The following MYADM variants were observed in gnomAD, a reference collection of about 807,000 sequenced individuals.
MYADM encodes the protein myeloid-associated differentiation marker.
For missense variants in MYADM, 416 were observed against 443.4 expected (o/e 0.94, Z 0.56); for synonymous variants, 224 against 210.2 (o/e 1.07, Z -0.57).
In MYADM at chr19:53,873,661, G is replaced by C; in HGVS notation, c.132G>C (p.Leu44=). The change falls in exon 3 of 3, where the codon CTG becomes CTC. Residue 44 remains leucine (L), a synonymous_variant. Coordinates refer to ENST00000391770, the MANE Select transcript of MYADM (RefSeq NM_138373.5). The surrounding 1 kb of genome is among the most constrained non-coding windows in gnomAD (Gnocchi z 4.3). ...QPLGLLRLLQ[L]VSTCVAFSLV... The stretch of plus-strand genomic sequence containing the variant: ...TGGGTCTCCTTCGCCTGCTGCAGCT[G>C]GTGTCTACCTGCGTGGCCTTCTCGC... 1 of 1,614,162 alleles carries C rather than the reference G, an allele frequency of 6.2e-7. No homozygotes were observed.
chr19:53,866,430 G>A (rs1460922339), upstream of MYADM: 4 of 152,132 alleles, frequency 2.6e-5, no homozygotes, highest in South Asian at 2.1e-4. The surrounding 1 kb of genome is among the most constrained non-coding windows in gnomAD (Gnocchi z 4.3). Flanking sequence ...GAGTGAACGC[G>A]GCCAGAGGGA....
chr19:53,867,327 G>GC (rs551562031), upstream of MYADM, among the ~76,000 whole-genome samples: 9 of 152,010 alleles, frequency 5.9e-5, no homozygotes, highest in East Asian at 1.9e-4. Context: ...AGAGATCCTA[G>GC]CCCCCCCATT....
rs4023843 is a variant in MYADM at position 53,876,261 on chromosome 19, G to GATATATAT, written c.*1777_*1784dup. On this transcript the variant is annotated 3_prime_UTR_variant, in exon 3 of 3. Coordinates refer to ENST00000391770, the MANE Select transcript of MYADM (RefSeq NM_138373.5). ...TGTCTGGGACTCACATACATAACGT[G>GATATATAT]ATATATATATATATATATATAAATG... is the stretch of plus-strand genomic sequence containing the variant. 2.5e-3 allele frequency: 379 copies of GATATATAT among 149,762 alleles called. 1 individual carries two copies. The highest frequency in any genetic ancestry group is 9.0e-3 in the African/African-American group (351 of 39,184). 9.3% of individuals were successfully genotyped at this position (149,762 alleles called of 1,614,324 possible). A position where few individuals can be genotyped will look rare whatever the true frequency, so the allele number is the denominator to read the frequency against.
At chr19:53,866,451 C>T (rs1455458551), upstream of MYADM, 1 of 152,186 alleles carries the variant, frequency 6.6e-6, no homozygotes, top group Non-Finnish European at 1.5e-5. This position sits in a 1 kb window ranked among gnomAD's most constrained non-coding sequence, Gnocchi z 4.3. Context: ...GGGACTCAGG[C>T]GTCCCAGGTC....
At chr19:53,872,513 A>T (rs569968499) in intron 2 of MYADM, among the ~76,000 whole-genome samples, 37 of 145,344 alleles carry the variant, frequency 2.5e-4, no homozygotes, top group African/African-American at 3.8e-4. Flanking sequence ...ATTAAAAAAA[A>T]TTTTTTTTTT....
At chr19:53,866,682 C>T (rs190637091), upstream of MYADM, among the ~76,000 whole-genome samples, 95 of 152,268 alleles carry the variant, frequency 6.2e-4, no homozygotes, top group African/African-American at 2.1e-3. The surrounding 1 kb of genome is among the most constrained non-coding windows in gnomAD (Gnocchi z 4.3). Context: ...CAGCCCCATC[C>T]TCATTAAAAT....
At chr19:53,872,411 G>T (rs1599920562) in intron 2 of MYADM, among the ~76,000 whole-genome samples, 1 of 151,974 alleles carries the variant, frequency 6.6e-6, no homozygotes, top group African/African-American at 2.4e-5. Flanking sequence ...GGCCAGGCTG[G>T]TCTCCAACTC....
chr19:53,869,951 A>G (rs1599912967), intron 2 of MYADM, 113 bp downstream of exon 2: 2 of 26,314 alleles, frequency 7.6e-5, no homozygotes, highest in African/African-American at 2.4e-4. Flanking sequence ...GGTCCGAGGG[A>G]GGAGGGGCTG....
rs1234518487 is a variant in MYADM at position 53,874,987 on chromosome 19, T to G, written c.*489T>G. On this transcript the variant is annotated 3_prime_UTR_variant, in exon 3 of 3. Coordinates refer to ENST00000391770, the MANE Select transcript of MYADM (RefSeq NM_138373.5). The stretch of plus-strand genomic sequence containing the variant: ...CTTTTTTCTCATCTCTTTTCTGGGT[T>G]GCCTGTCGGCTTTCTTATCTGCCTG... The G allele has an allele frequency of 6.0e-6, 1 of 167,178 alleles. No homozygotes were observed. Among genetic ancestry groups the G allele is most frequent in the African/African-American group, 2.4e-5 (1 of 41,404 alleles). 10.4% of individuals were successfully genotyped at this position (167,178 alleles called of 1,614,324 possible).
intron 2 of MYADM, among the ~76,000 whole-genome samples, chr19:53,871,269 G>A (rs2068381013): frequency 6.6e-6 from 1 of 152,092 alleles, no homozygotes; most frequent in Non-Finnish European, 1.5e-5. Flanking sequence ...GAGGCCTAGA[G>A]AGAGTTCAGT....
chr19:53,874,090 C>T lies in MYADM; in HGVS notation c.561C>T (p.Ile187=). 1 of 1,612,086 alleles carries T rather than the reference C, an allele frequency of 6.2e-7. No homozygotes were observed. The highest frequency in any genetic ancestry group is 8.5e-7 in the Non-Finnish European group (1 of 1,180,030). Residue 187 remains isoleucine (I), a synonymous_variant, in exon 3 of 3, where the codon ATC becomes ATT. Transcript: ENST00000391770. ...TGGAGACCTTCGTTGCCTGCATCAT[C>T]TTCGCGTTCATCAGCGACCCCAACC... ...KVLETFVACI[I]FAFISDPNLY...
At chr19:53,871,673 G>T (rs1442605490) in intron 2 of MYADM, among the ~76,000 whole-genome samples, 1 of 152,016 alleles carries the variant, frequency 6.6e-6, no homozygotes, top group Non-Finnish European at 1.5e-5. Context: ...AGCCTGGGGA[G>T]GTTGGGCCGT....
rs533539438 is a variant in MYADM, at chr19:53,874,387, C to T, written c.858C>T (p.Tyr286=). The T allele has an allele frequency of 9.3e-6, 15 of 1,614,244 alleles. No individual in the cohort carries two copies. The highest frequency in any genetic ancestry group is 1.6e-4 in the Middle Eastern group (1 of 6,062). ...GCTGCAGCCGCAGCCATGCCTACTA[C>T]GTGTGTGCCTGGGACCGCCGACTGG... ...DVSCSRSHAY[Y]VCAWDRRLAV... The change falls in exon 3 of 3, where the codon TAC becomes TAT. Residue 286 remains tyrosine, a synonymous_variant. Coordinates refer to ENST00000391770, the MANE Select transcript of MYADM (RefSeq NM_138373.5).
intron 2 of MYADM, among the ~76,000 whole-genome samples, chr19:53,871,512 G>T (rs2068387492): frequency 6.6e-6 from 1 of 152,160 alleles, no homozygotes; most frequent in African/African-American, 2.4e-5. Context: ...CCAAGGTGGG[G>T]GGTAGGGAGA....
chr19:53,874,091 T>G lies in MYADM; in HGVS notation c.562T>G (p.Phe188Val), dbSNP rs1196718416. Reference protein sequence around the residue: ...VLETFVACIIFAFISDPNLYQ... With the variant: ...VLETFVACIIVAFISDPNLYQ... ...GGAGACCTTCGTTGCCTGCATCATC[T>G]TCGCGTTCATCAGCGACCCCAACCT... The change falls in exon 3 of 3, where the codon TTC becomes GTC. Residue 188 changes from phenylalanine to valine, a missense_variant. Physicochemically the swap from Phe to Val is conservative, Grantham distance 50. Coordinates refer to ENST00000391770, the MANE Select transcript of MYADM (RefSeq NM_138373.5). The G allele has an allele frequency of 2.5e-6, 4 of 1,612,000 alleles. No individual in the cohort carries two copies. The East Asian group carries it at 6.7e-5, about 27-fold the overall frequency.
In MYADM at chr19:53,873,467, A is replaced by G. The variant is rs1330684126; in HGVS notation, c.-2-61A>G. On this transcript the variant is annotated intron_variant, in intron 2 of 2. Transcript: ENST00000391770. The surrounding 1 kb of genome is among the most constrained non-coding windows in gnomAD (Gnocchi z 4.3). The stretch of plus-strand genomic sequence containing the variant: ...TTTGTCCCTGGGGTAGGCAATGGCT[A>G]AGGGACCTGGATTCTTATGTTTGTG... 1 of 1,516,546 alleles carries G rather than the reference A, an allele frequency of 6.6e-7. No homozygotes were observed. The highest frequency in any genetic ancestry group is 8.8e-7 in the Non-Finnish European group (1 of 1,130,588). The allele number at this position is 1,516,546 out of a possible 1,614,324, so 93.9% of individuals were successfully genotyped here.
intron 2 of MYADM, chr19:53,872,680 AATT>A (rs2068417314): frequency 6.7e-6 from 1 of 148,828 alleles, no homozygotes; most frequent in South Asian, 2.1e-4. Context: ...CTAATTAAAA[AATT>A]TTTTTTTGGT....
In MYADM at chr19:53,871,619, C is replaced by T. The variant is rs531805714; in HGVS notation, c.-3+1781C>T. Among the ~76,000 whole-genome samples, 4 of 152,114 alleles carry T rather than the reference C, an allele frequency of 2.6e-5. No homozygotes were observed. The South Asian group carries it at 8.3e-4, about 32-fold the overall frequency. ...ATCTCTATGAGAAGATATCCTTTAT[C>T]GGGAGGTCGGAGCTCTTATTAGATG... On this transcript the variant is annotated intron_variant, in intron 2 of 2. Coordinates refer to ENST00000391770, the MANE Select transcript of MYADM (RefSeq NM_138373.5).
In MYADM at chr19:53,873,391, A is replaced by G. The variant is rs1349723056; in HGVS notation, c.-2-137A>G. 1.0e-6 allele frequency: 1 copy of G among 962,288 alleles called. No individual in the cohort carries two copies. The highest frequency in any genetic ancestry group is 1.5e-6 in the Non-Finnish European group (1 of 652,662). The allele number at this position is 962,288 out of a possible 1,614,324, so 59.6% of individuals were successfully genotyped here. A position where few individuals can be genotyped will look rare whatever the true frequency, so the allele number is the denominator to read the frequency against. On this transcript the variant is annotated intron_variant, in intron 2 of 2. Coordinates refer to ENST00000391770, the MANE Select transcript of MYADM (RefSeq NM_138373.5). This position sits in a 1 kb window ranked among gnomAD's most constrained non-coding sequence, Gnocchi z 4.3. ...TGTCTCAAAAAAAAAAAAAGAAAAG[A>G]AAACCGAAAGCCCCACATCTTGGGA...
Sources: allele counts gnomAD v4.1 joint callset (sites outside exome capture counted in the v4.1 genomes callset), GRCh38; gene constraint gnomAD v4.1.1; non-coding constraint Gnocchi (gnomAD v3.1); transcripts MANE v1.5; gene names NCBI Gene and HGNC (gene_info 2026-07-23, HGNC 2026-07-21).